EML5: variants seen among roughly 807,000 people sequenced by gnomAD.
EML5 encodes the protein EMAP like 5.
A neutral mutation model predicts 250.0 loss-of-function variants in EML5; 120 were observed. The observed-to-expected ratio is 0.48, with a 90% CI of 0.41 to 0.56. The LOEUF (loss-of-function observed/expected upper bound fraction) is 0.56, where lower values mean the gene tolerates loss of function less well. EML5 is among the 20% of genes least tolerant of loss of function. The probability of loss-of-function intolerance (pLI) is 0.00; values close to 1 mark genes in which losing one functional copy is unlikely to be tolerated. For synonymous variants in EML5, 771 were observed against 806.5 expected, an observed-to-expected ratio of 0.96 and a Z score of 0.75; for missense variants, 2,006 against 2,437.6, an observed-to-expected ratio of 0.82 and a Z score of 3.73.
In EML5 at chr14:88,620,642, G is replaced by T. The variant is rs2088725208; in HGVS notation, c.5375+112C>A. 1.1e-5 allele frequency: 9 copies of T among 813,594 alleles called. No homozygotes were observed. The East Asian group carries it at 2.7e-4, about 24-fold the overall frequency. 50.4% of individuals were successfully genotyped at this position (813,594 alleles called of 1,614,324 possible). On this transcript the variant is annotated intron_variant, in intron 39 of 43. Transcript: ENST00000554922. The surrounding 1 kb of genome is among the most constrained non-coding windows in gnomAD (Gnocchi z 4.3). ...TTTTAGCATACAATTTATAATACGG[G>T]AAATGCTACAGGCCCTGGGGACCTC...
chr14:88,776,610 G>A (rs1057296870), intron 1 of EML5, among the ~76,000 whole-genome samples: 20 of 152,060 alleles, frequency 1.3e-4, no homozygotes, highest in Non-Finnish European at 2.4e-4. Flanking sequence ...GTCGGGCATG[G>A]TGGCTCACAC....
In EML5 at chr14:88,664,523, A is replaced by T. The variant is rs2092248588; in HGVS notation, c.3379T>A (p.Tyr1127Asn). The change falls in exon 23 of 44, where the codon TAC (tyrosine) becomes AAC (asparagine). Residue 1127 changes from tyrosine to asparagine, a missense_variant. Coordinates refer to ENST00000554922, the MANE Select transcript of EML5 (RefSeq NM_183387.3). The stretch of plus-strand genomic sequence containing the variant: ...ATATCCCAATCAATATGGGTTATGT[A>T]ACTGGTAGCTCCTTTGCATATTCCT... The part of the protein sequence containing the change: ...RVGICKGATS[Y>N]ITHIDWDIRG... 6.2e-7 allele frequency: 1 copy of T among 1,608,756 alleles called. No homozygotes were observed.
At chr14:88,637,609 G>A (rs1181890439) in intron 32 of EML5, among the ~76,000 whole-genome samples, 1 of 152,104 alleles carries the variant, frequency 6.6e-6, no homozygotes, top group Non-Finnish European at 1.5e-5. Context: ...CATATCCCCA[G>A]CACCTAAAAC....
chr14:88,652,322 G>A (rs1404376344), intron 27 of EML5, among the ~76,000 whole-genome samples: 2 of 152,054 alleles, frequency 1.3e-5, no homozygotes, highest in South Asian at 2.1e-4. Context: ...GAGGCACTGC[G>A]CCCTTAACAC....
intron 32 of EML5, among the ~76,000 whole-genome samples, chr14:88,637,498 A>T (rs1336907328): frequency 6.6e-6 from 1 of 152,198 alleles, no homozygotes; most frequent in Non-Finnish European, 1.5e-5. Context: ...AGGAAAGAAA[A>T]GGAGAAGCCA....
chr14:88,643,026 T>A lies in EML5; in HGVS notation c.4108-4A>T. 1 of 1,567,000 alleles carries A rather than the reference T, an allele frequency of 6.4e-7. No individual in the cohort carries two copies. The highest frequency in any genetic ancestry group is 8.6e-7 in the Non-Finnish European group (1 of 1,165,938). On this transcript the variant is annotated splice_polypyrimidine_tract_variant and splice_region_variant and intron_variant, in intron 30 of 43. Transcript: ENST00000554922. ...AAATGAGCTCCAACACAAGGTCCTA[T>A]AATGATAATAATAAAACCATTATAT...
intron 4 of EML5, among the ~76,000 whole-genome samples, chr14:88,743,171 T>A (rs1258296770): frequency 6.6e-6 from 1 of 152,016 alleles, no homozygotes; most frequent in African/African-American, 2.4e-5. Context: ...TACAAAATTG[T>A]AACTAGAGAG....
chr14:88,792,760 C>A lies in EML5; in HGVS notation c.-257G>T. The A allele has an allele frequency of 5.7e-6, 6 of 1,046,932 alleles. No individual in the cohort carries two copies. The highest frequency in any genetic ancestry group is 6.9e-6 in the Non-Finnish European group (6 of 870,214). The allele number at this position is 1,046,932 out of a possible 1,614,324, so 64.9% of individuals were successfully genotyped here. On this transcript the variant is annotated 5_prime_UTR_variant, in exon 1 of 44. Coordinates refer to ENST00000554922, the MANE Select transcript of EML5 (RefSeq NM_183387.3). The surrounding 1 kb of genome is among the most constrained non-coding windows in gnomAD (Gnocchi z 6.9). The stretch of plus-strand genomic sequence containing the variant: ...TGTCAAGTGGATGCCCAGAGCCCTT[C>A]GCCCGCCTCGGCTCGCCTAGTCTCC...
At chr14:88,729,870 G>C (rs28889405) in intron 7 of EML5, among the ~76,000 whole-genome samples, 21,551 of 101,038 alleles carry the variant, frequency 0.21, 2,840 homozygotes, top group East Asian at 0.46. Context: ...CTTGTTTTTT[G>C]TTTTTTTTTT....
intron 21 of EML5, among the ~76,000 whole-genome samples, chr14:88,677,773 G>A (rs532003811): frequency 3.9e-5 from 6 of 152,266 alleles, no homozygotes; most frequent in African/African-American, 9.6e-5. Context: ...TCAGAATGGC[G>A]ATTATTAAAC....
chr14:88,738,923 G>T lies in EML5; in HGVS notation c.803C>A (p.Pro268Gln). ...TTCCCTGAGATCAATCACAGTAATTGGTTTAAAAGTTAAATCCCAAAGACG... is the reference window on the plus strand; with the variant it reads ...TTCCCTGAGATCAATCACAGTAATTTGTTTAAAAGTTAAATCCCAAAGACG... ...CIRLWDLTFK[P>Q]ITVIDLRETD... The change falls in exon 6 of 44, where the codon CCA (proline) becomes CAA (glutamine). Residue 268 changes from proline to glutamine, a missense_variant. By Grantham distance (76) the Pro-to-Gln change is moderately conservative. Around this residue, in one of 7 missense-constraint regions of EML5, gnomAD observed 1,375 missense variants for 1,590.3 expected, o/e 0.86. Transcript: ENST00000554922. 1 of 1,593,632 alleles carries T rather than the reference G, an allele frequency of 6.3e-7. No homozygotes were observed. Among genetic ancestry groups the T allele is most frequent in the Non-Finnish European group, 8.6e-7 (1 of 1,169,376 alleles).
intron 40 of EML5, 55 bp downstream of exon 40, chr14:88,618,595 C>CT: frequency 6.4e-7 from 1 of 1,552,484 alleles, no homozygotes; most frequent in South Asian, 1.2e-5. Context: ...TTCACTAACA[C>CT]GAAATGTAAA....
intron 28 of EML5, among the ~76,000 whole-genome samples, chr14:88,647,683 G>A (rs1212108286): frequency 3.8e-5 from 2 of 52,838 alleles, no homozygotes; most frequent in African/African-American, 1.2e-4. Flanking sequence ...GAGTGAGACC[G>A]TCTCAAAAAA....
At chr14:88,659,679 C>A (rs141766478) in intron 25 of EML5, among the ~76,000 whole-genome samples, 1 of 152,154 alleles carries the variant, frequency 6.6e-6, no homozygotes, top group South Asian at 2.1e-4. Context: ...CCATCTGGAA[C>A]GCTGGAAGTG....
chr14:88,780,100 C>T (rs1196152510), intron 1 of EML5, among the ~76,000 whole-genome samples: 1 of 152,062 alleles, frequency 6.6e-6, no homozygotes, highest in Non-Finnish European at 1.5e-5. Flanking sequence ...TACAGAAGCA[C>T]ACCACCACAT....
chr14:88,792,392 A>G lies in EML5; in HGVS notation c.112T>C (p.Tyr38His). 6.4e-7 allele frequency: 1 copy of G among 1,572,132 alleles called. No individual in the cohort carries two copies. Among genetic ancestry groups the G allele is most frequent in the Non-Finnish European group, 8.6e-7 (1 of 1,160,744 alleles). ...LYYTAAKEIV[Y>H]FVAGVGVVYS... ...ACCACGCCGACCCCCGCCACGAAGT[A>G]TACGATCTCCTTGGCCGCAGTGTAG... is the stretch of plus-strand genomic sequence containing the variant. Residue 38 changes from tyrosine (Y) to histidine (H), a missense_variant, in exon 1 of 44, where the codon TAC becomes CAC. Coordinates refer to ENST00000554922, the MANE Select transcript of EML5 (RefSeq NM_183387.3). This position sits in a 1 kb window ranked among gnomAD's most constrained non-coding sequence, Gnocchi z 6.9.
chr14:88,752,756 A>G lies in EML5; in HGVS notation c.357+1756T>C, dbSNP rs78614014. Among the ~76,000 whole-genome samples the G allele has an allele frequency of 2.5e-3, 378 of 152,166 alleles. 13 individuals carry two copies. In the East Asian group the frequency reaches 0.068, roughly 28 times the overall value. ...TTTGCCAAAATCACTCTGGCCCACA[A>G]CCCCAACCCTGTACCCATAAAATCC... On this transcript the variant is annotated intron_variant, in intron 2 of 43. Transcript: ENST00000554922.
At chr14:88,723,548 TTAA>T (rs2093621859) in intron 8 of EML5, among the ~76,000 whole-genome samples, 1 of 152,052 alleles carries the variant, frequency 6.6e-6, no homozygotes, top group East Asian at 1.9e-4. Flanking sequence ...GTGATTAGAG[TTAA>T]TAATAATGTA....
Position 88,612,701 on chromosome 14 carries a change from GA to G in EML5, c.*3116del, listed in dbSNP as rs1317970133. Reference sequence around the variant, plus strand: ...TTTAAATAGTATATTTTAAATGACAGAACTATAATTACAGAGATCAGATCAG... The same window carrying G: ...TTTAAATAGTATATTTTAAATGACAGACTATAATTACAGAGATCAGATCAG... On this transcript the variant is annotated 3_prime_UTR_variant, in exon 44 of 44. Transcript: ENST00000554922. 1 of 152,484 alleles carries G rather than the reference GA, an allele frequency of 6.6e-6. No individual in the cohort carries two copies. The highest frequency in any genetic ancestry group is 2.4e-5 in the African/African-American group (1 of 41,414). The allele number at this position is 152,484 out of a possible 1,614,324, so 9.4% of individuals were successfully genotyped here. A position where few individuals can be genotyped will look rare whatever the true frequency, so the allele number is the denominator to read the frequency against.
Sources: allele counts gnomAD v4.1 joint callset (sites outside exome capture counted in the v4.1 genomes callset), GRCh38; gene constraint gnomAD v4.1.1; regional missense constraint gnomAD v4.1.1; non-coding constraint Gnocchi (gnomAD v3.1); transcripts MANE v1.5; gene names NCBI Gene and HGNC (gene_info 2026-07-23, HGNC 2026-07-21).